The following WWOX variants were observed in gnomAD, a reference collection of about 807,000 sequenced individuals.
WWOX encodes WW domain containing oxidoreductase.
A neutral mutation model predicts 46.2 loss-of-function variants in WWOX; 69 were observed. That is an observed-to-expected ratio of 1.49 (90% CI 1.23 to 1.82). The LOEUF is 1.82. Among genes scored for constraint, WWOX ranks in the 40% most tolerant of loss-of-function variants. The pLI, the probability that WWOX is intolerant of heterozygous loss-of-function variation, is 0.00. For missense variants in WWOX, 919 were observed against 542.6 expected, an observed-to-expected ratio of 1.69 and a Z score of -6.89; for synonymous variants, 359 against 202.6, an observed-to-expected ratio of 1.77 and a Z score of -6.56.
chr16:79,176,943 T>G (rs940182767), intron 8 of WWOX, among the ~76,000 whole-genome samples: 2 of 152,168 alleles, frequency 1.3e-5, no homozygotes, highest in African/African-American at 4.8e-5. Context: ...TTCCCTCTCA[T>G]CAGTTTCCAC....
intron 8 of WWOX, among the ~76,000 whole-genome samples, chr16:78,616,229 T>A (rs968490030): frequency 7.9e-5 from 12 of 151,934 alleles, no homozygotes; most frequent in Admixed American, 1.3e-4. Context: ...GTTTTTTTTT[T>A]AATTATATAA....
At chr16:78,207,726 A>G (rs1220007401) in intron 5 of WWOX, among the ~76,000 whole-genome samples, 2 of 147,276 alleles carry the variant, frequency 1.4e-5, no homozygotes, top group Non-Finnish European at 3.0e-5. Context: ...GTGCCACTGC[A>G]TTTTCAGCCT....
chr16:78,610,773 A>G (rs1057307565), intron 8 of WWOX, among the ~76,000 whole-genome samples: 2 of 152,154 alleles, frequency 1.3e-5, no homozygotes, highest in African/African-American at 4.8e-5. Context: ...CTCTGATATT[A>G]TAAAATCTGG....
At chr16:78,276,484 T>G (rs1486311349) in intron 5 of WWOX, among the ~76,000 whole-genome samples, 2 of 152,232 alleles carry the variant, frequency 1.3e-5, no homozygotes, top group Non-Finnish European at 2.9e-5. Flanking sequence ...TCCAGTCTCC[T>G]GATGTTTGAG....
At chr16:78,517,855 A>ATTTTTTTTTTTTTTTTTTTTTTTTT (rs11342538) in intron 8 of WWOX, among the ~76,000 whole-genome samples, 3 of 86,394 alleles carry the variant, frequency 3.5e-5, no homozygotes, top group Non-Finnish European at 4.5e-5. Flanking sequence ...TACACAACCT[A>ATTTTTTTTTTTTTTTTTTTTTTTTT]TTTTTTTTTT....
chr16:78,706,249 T>A (rs1355154670), intron 8 of WWOX, among the ~76,000 whole-genome samples: 1 of 152,142 alleles, frequency 6.6e-6, no homozygotes, highest in African/African-American at 2.4e-5. Flanking sequence ...TTTCCTTATT[T>A]GACCCATATA....
chr16:78,866,371 C>G (rs539721573), intron 8 of WWOX, among the ~76,000 whole-genome samples: 41 of 152,138 alleles, frequency 2.7e-4, no homozygotes, highest in African/African-American at 9.4e-4. Flanking sequence ...ATAATTGTGA[C>G]TCCCTCATTA....
At chr16:78,370,544 G>C in intron 5 of WWOX, among the ~76,000 whole-genome samples, 1 of 149,280 alleles carries the variant, frequency 6.7e-6, no homozygotes, top group South Asian at 2.1e-4. Flanking sequence ...CTATTCTTCT[G>C]TTCTGTTCTT....
At chr16:79,122,897 C>T (rs532187027) in intron 8 of WWOX, among the ~76,000 whole-genome samples, 1 of 152,054 alleles carries the variant, frequency 6.6e-6, no homozygotes, top group South Asian at 2.1e-4. Context: ...GCAATGGCCA[C>T]CTCAACTTTT....
At chr16:78,789,184 C>G (rs897649990) in intron 8 of WWOX, among the ~76,000 whole-genome samples, 19 of 152,118 alleles carry the variant, frequency 1.2e-4, no homozygotes, top group African/African-American at 4.6e-4. Context: ...TGTTGATTGT[C>G]ATGGTGGTGT....
rs2081096949 is a variant in WWOX, at chr16:78,346,517, A to G, written c.517-40343A>G. Among the ~76,000 whole-genome samples, 2 of 120,344 alleles carry G rather than the reference A, an allele frequency of 1.7e-5. 1 individual carries two copies. The highest frequency in any genetic ancestry group is 4.0e-5 in the Non-Finnish European group (2 of 50,444). The allele number at this position is 120,344 out of a possible 152,430, so 79.0% of individuals were successfully genotyped here. A position where few individuals can be genotyped will look rare whatever the true frequency, so the allele number is the denominator to read the frequency against. On this transcript the variant is annotated intron_variant, in intron 5 of 8. Coordinates refer to ENST00000566780, the MANE Select transcript of WWOX (RefSeq NM_016373.4). ...GGTCATCCCATTTTACATTCTTGCCAACAGTGTTTAAGGATCCACTTCCTC... is the reference window on the plus strand; with the variant it reads ...GGTCATCCCATTTTACATTCTTGCCGACAGTGTTTAAGGATCCACTTCCTC...
chr16:78,185,270 A>G (rs2035662722), intron 5 of WWOX, among the ~76,000 whole-genome samples: 1 of 152,056 alleles, frequency 6.6e-6, no homozygotes, highest in Non-Finnish European at 1.5e-5. Flanking sequence ...TATTTAATTG[A>G]TGTTCTATTT....
At chr16:79,176,470 T>C (rs2050802281) in intron 8 of WWOX, among the ~76,000 whole-genome samples, 1 of 152,242 alleles carries the variant, frequency 6.6e-6, no homozygotes, top group Admixed American at 6.5e-5. Flanking sequence ...GTTAAGAAGC[T>C]GGCAGTCTGT....
intron 8 of WWOX, among the ~76,000 whole-genome samples, chr16:78,968,339 A>G (rs78322683): frequency 0.1 from 15,256 of 152,264 alleles, 822 homozygotes; most frequent in Middle Eastern, 0.2. Context: ...CGAGGCAGGA[A>G]CCATGTGCTC....
chr16:78,585,965 G>C (rs900347908), intron 8 of WWOX, among the ~76,000 whole-genome samples: 2 of 152,048 alleles, frequency 1.3e-5, no homozygotes, highest in Non-Finnish European at 2.9e-5. Context: ...TGGAGGCCGA[G>C]ACTCGGGGAT....
Position 78,231,653 on chromosome 16 carries a change from A to G in WWOX, c.516+67364A>G, listed in dbSNP as rs76080562. 2.0e-5 allele frequency among the ~76,000 whole-genome samples: 3 copies of G among 152,314 alleles called. No individual in the cohort carries two copies. In the East Asian group the frequency reaches 5.8e-4, roughly 29 times the overall value. The stretch of plus-strand genomic sequence containing the variant: ...TCGACTTTTGCATCATGATAAATTC[A>G]TAACCCAAGAGAAGGCAGAAAACAT... On this transcript the variant is annotated intron_variant, in intron 5 of 8. Coordinates refer to ENST00000566780, the MANE Select transcript of WWOX (RefSeq NM_016373.4).
chr16:78,756,663 CTGTT>C (rs2049656336), intron 8 of WWOX, among the ~76,000 whole-genome samples: 1 of 152,130 alleles, frequency 6.6e-6, no homozygotes, highest in Non-Finnish European at 1.5e-5. Context: ...TTGTTTCACC[CTGTT>C]TGTTCATTCA....
At chr16:78,473,642 A>G (rs59692271) in intron 8 of WWOX, among the ~76,000 whole-genome samples, 28 of 152,154 alleles carry the variant, frequency 1.8e-4, no homozygotes, top group Admixed American at 1.2e-3. Context: ...GAATGTTGCC[A>G]CCAGTGCTGA....
At chr16:78,957,143 T>C (rs966959632) in intron 8 of WWOX, among the ~76,000 whole-genome samples, 4 of 152,194 alleles carry the variant, frequency 2.6e-5, no homozygotes, top group African/African-American at 7.2e-5. Flanking sequence ...GAAAACACCA[T>C]GAGTGTTGCA....
Sources: allele counts gnomAD v4.1 joint callset (sites outside exome capture counted in the v4.1 genomes callset), GRCh38; gene constraint gnomAD v4.1.1; transcripts MANE v1.5; gene names NCBI Gene and HGNC (gene_info 2026-07-23, HGNC 2026-07-21).